The following ZNF438 variants were observed in gnomAD, a reference collection of about 807,000 sequenced individuals.
ZNF438 encodes zinc finger protein 438.
Under a neutral mutation model 38.0 loss-of-function variants are expected in ZNF438, and 25 were observed. The ratio of observed to expected loss-of-function variants is 0.66; its 90% CI spans 0.48 to 0.92. The LOEUF is 0.92. Ranked by LOEUF, ZNF438 falls within the 40% of genes least tolerant of loss-of-function variation. The pLI is 0.00. For missense variants in ZNF438, 1,007 were observed against 999.6 expected, an observed-to-expected ratio of 1.01 and a Z score of -0.10; for synonymous variants, 372 against 364.1, an observed-to-expected ratio of 1.02 and a Z score of -0.25.
At chr10:30,980,197 G>C (rs928513950) in intron 1 of ZNF438, among the ~76,000 whole-genome samples, 3 of 150,920 alleles carry the variant, frequency 2.0e-5, no homozygotes, top group African/African-American at 7.3e-5. Context: ...CATCCTGTGT[G>C]TGCTGGGTAG....
intron 1 of ZNF438, among the ~76,000 whole-genome samples, chr10:30,972,956 A>G (rs2050906990): frequency 6.6e-6 from 1 of 151,768 alleles, no homozygotes; most frequent in African/African-American, 2.4e-5. Context: ...CAATTCAATC[A>G]TCATCATCAT....
In ZNF438 at chr10:30,956,457, T is replaced by C. The variant is rs77215923; in HGVS notation, c.-191-14806A>G. On this transcript the variant is annotated intron_variant, in intron 1 of 5. Coordinates refer to ENST00000413025, the Ensembl canonical transcript of ZNF438. Reference sequence around the variant, plus strand: ...AAAGCTTCTCTTGTATTTTGAAATATGTTATTATTAACTAAAGTCACCCTA... The same window carrying C: ...AAAGCTTCTCTTGTATTTTGAAATACGTTATTATTAACTAAAGTCACCCTA... Among the ~76,000 whole-genome samples, 416 of 152,326 alleles carry C rather than the reference T, an allele frequency of 2.7e-3. 11 individuals carry two copies. The East Asian group carries it at 0.043, about 16-fold the overall frequency.
At chr10:31,014,844 A>G (rs866915411) in intron 1 of ZNF438, among the ~76,000 whole-genome samples, 42 of 149,228 alleles carry the variant, frequency 2.8e-4, no homozygotes, top group Middle Eastern at 6.8e-3. Context: ...ATGTGTGTGT[A>G]TGTGTGTGTG....
chr10:30,945,251 T>C (rs2047252370), intron 1 of ZNF438, among the ~76,000 whole-genome samples: 1 of 152,104 alleles, frequency 6.6e-6, no homozygotes, highest in African/African-American at 2.4e-5. Flanking sequence ...TAATTGATTC[T>C]TACATCATTA....
At chr10:30,874,114 G>GTGTATATATATA (rs1257613270) in intron 4 of ZNF438, among the ~76,000 whole-genome samples, 5 of 80,280 alleles carry the variant, frequency 6.2e-5, no homozygotes, top group African/African-American at 2.1e-4. Flanking sequence ...GTGTGTGTGT[G>GTGTATATATATA]TATATATATA....
At chr10:30,882,979 A>G (rs1445856773) in intron 3 of ZNF438, among the ~76,000 whole-genome samples, 1 of 152,192 alleles carries the variant, frequency 6.6e-6, no homozygotes, top group African/African-American at 2.4e-5. Context: ...CAGTATTACT[A>G]TGCACTCTGG....
Position 30,855,515 on chromosome 10 carries a change from G to A in ZNF438, c.38-5148C>T, listed in dbSNP as rs115437195. Among the ~76,000 whole-genome samples the A allele has an allele frequency of 5.4e-3, 821 of 152,336 alleles. 7 individuals carry two copies. The highest frequency in any genetic ancestry group is 0.019 in the African/African-American group (789 of 41,570). ...TACATACAAGGTTAAGGGTCTCCAT[G>A]AAGGTGGTGTTGAATCCAATTTCTC... On this transcript the variant is annotated intron_variant, in intron 4 of 5. Transcript: ENST00000413025.
chr10:30,847,866 C>T (rs186102921), intron 5 of ZNF438, among the ~76,000 whole-genome samples: 1 of 152,236 alleles, frequency 6.6e-6, no homozygotes. Flanking sequence ...CATCCCTCAC[C>T]ACTCTGTGCC....
chr10:30,854,919 G>A (rs2034353036), intron 4 of ZNF438, among the ~76,000 whole-genome samples: 2 of 152,214 alleles, frequency 1.3e-5, no homozygotes, highest in Admixed American at 1.3e-4. Context: ...AACAACAGTG[G>A]TCAAGGTCAC....
chr10:30,953,262 G>T (rs539587617), intron 1 of ZNF438, among the ~76,000 whole-genome samples: 2,516 of 151,530 alleles, frequency 0.017, 53 homozygotes, highest in African/African-American at 0.058. Context: ...TGTGGTGGGG[G>T]TAGAGGGGAG....
chr10:30,994,499 A>G (rs756224472), intron 1 of ZNF438, among the ~76,000 whole-genome samples: 141 of 152,298 alleles, frequency 9.3e-4, no homozygotes, highest in Non-Finnish European at 1.7e-3. Flanking sequence ...GTTCTCACTC[A>G]TGTGCCCTCT....
chr10:30,936,802 G>A lies in ZNF438; in HGVS notation c.-115+4773C>T, dbSNP rs968794953. Among the ~76,000 whole-genome samples, 6 of 152,310 alleles carry A rather than the reference G, an allele frequency of 3.9e-5. No homozygotes were observed. The South Asian group carries it at 6.2e-4, about 16-fold the overall frequency. ...TTAAAGAATTGCCAAAAAAGTCACTGTTTTTAAATATTTTATGATGTTGAG... is the reference window on the plus strand; with the variant it reads ...TTAAAGAATTGCCAAAAAAGTCACTATTTTTAAATATTTTATGATGTTGAG... On this transcript the variant is annotated intron_variant, in intron 2 of 5. Transcript: ENST00000413025.
chr10:30,882,278 A>G (rs1020817365), intron 3 of ZNF438, among the ~76,000 whole-genome samples: 3 of 152,234 alleles, frequency 2.0e-5, no homozygotes, highest in African/African-American at 7.2e-5. Context: ...TGGCCTGCAA[A>G]TAAGAACATA....
At chr10:30,893,719 C>G (rs2134077302) in intron 3 of ZNF438, among the ~76,000 whole-genome samples, 1 of 152,244 alleles carries the variant, frequency 6.6e-6, no homozygotes, top group East Asian at 1.9e-4. Flanking sequence ...CTTGTCCATA[C>G]TAAGTGGTTT....
chr10:30,995,931 G>A (rs77704398), intron 1 of ZNF438, among the ~76,000 whole-genome samples: 4 of 152,238 alleles, frequency 2.6e-5, no homozygotes, highest in African/African-American at 7.2e-5. Context: ...TGTGTTGTTG[G>A]GTTTGACATA....
intron 1 of ZNF438, among the ~76,000 whole-genome samples, chr10:30,966,597 G>C (rs761215218): frequency 4.0e-5 from 6 of 149,802 alleles, no homozygotes; most frequent in Non-Finnish European, 8.9e-5. Flanking sequence ...TTGAACCTGG[G>C]AAGTGGAGTT....
intron 1 of ZNF438, among the ~76,000 whole-genome samples, chr10:31,008,558 C>T (rs1475546990): frequency 2.0e-5 from 3 of 152,116 alleles, no homozygotes; most frequent in Admixed American, 2.0e-4. Context: ...ATGTCTGATC[C>T]TTTCACTTAG....
intron 4 of ZNF438, among the ~76,000 whole-genome samples, chr10:30,870,747 C>T (rs878942967): frequency 5.9e-5 from 9 of 152,178 alleles, no homozygotes; most frequent in Non-Finnish European, 5.9e-5. Context: ...CCTTGAATAT[C>T]GCCTAGGAAC....
chr10:30,850,403 G>A (rs2033375021), intron 4 of ZNF438, 36 bp from the exon 6 acceptor site: 1 of 1,578,710 alleles, frequency 6.3e-7, no homozygotes, highest in African/African-American at 1.3e-5. Context: ...GTTACTGTAT[G>A]TAACTGTTCT....
Sources: gnomAD v4.1 joint callset for allele counts (sites outside exome capture counted in the v4.1 genomes callset) on GRCh38, gnomAD v4.1.1 for gene constraint, MANE v1.5 for transcripts, NCBI Gene and HGNC (gene_info 2026-07-23, HGNC 2026-07-21) for gene names.